The following PLCB4 variants were observed in gnomAD, a reference collection of about 807,000 sequenced individuals.
PLCB4 encodes 1-phosphatidylinositol 4,5-bisphosphate phosphodiesterase beta-4.
PLCB4 carries 77 observed loss-of-function variants against 178.8 expected under a neutral mutation model. The observed-to-expected ratio is 0.43, with a 90% CI of 0.36 to 0.52. The LOEUF (loss-of-function observed/expected upper bound fraction) is 0.52. PLCB4 is among the 20% of genes least tolerant of loss of function. PLCB4 has a pLI of 0.00. For missense variants in PLCB4, 1,024 were observed against 1,453.4 expected (o/e 0.70, Z 4.80); for synonymous variants, 496 against 490.8 (o/e 1.01, Z -0.14).
At chr20:9,472,165 C>T (rs971884210) in intron 36 of PLCB4, among the ~76,000 whole-genome samples, 1 of 152,146 alleles carries the variant, frequency 6.6e-6, no homozygotes, top group African/African-American at 2.4e-5. Context: ...GAAACCCAGA[C>T]TATGTTACTC....
intron 4 of PLCB4, among the ~76,000 whole-genome samples, chr20:9,325,510 C>T (rs1179812219): frequency 6.6e-6 from 1 of 152,086 alleles, no homozygotes; most frequent in Non-Finnish European, 1.5e-5. Flanking sequence ...GGGAACCCTC[C>T]CAGAATCTGA....
chr20:9,437,246 G>T, intron 30 of PLCB4, 94 bp downstream of exon 30: 2 of 1,159,036 alleles, frequency 1.7e-6, no homozygotes, highest in South Asian at 1.7e-5. Flanking sequence ...TAAATTCGAA[G>T]TTCTTTGTGG....
intron 4 of PLCB4, among the ~76,000 whole-genome samples, chr20:9,316,241 A>G (rs536590925): frequency 1.2e-4 from 18 of 152,226 alleles, no homozygotes; most frequent in South Asian, 1.0e-3. Context: ...CCACGGACCT[A>G]TGGAATCAGA....
At chr20:9,190,045 G>T (rs2086454735) in intron 2 of PLCB4, among the ~76,000 whole-genome samples, 1 of 152,128 alleles carries the variant, frequency 6.6e-6, no homozygotes, top group Non-Finnish European at 1.5e-5. Context: ...CTCACATTTG[G>T]TTGAGAACCA....
chr20:9,435,038 T>C (rs1326744560), intron 28 of PLCB4, among the ~76,000 whole-genome samples: 1 of 152,230 alleles, frequency 6.6e-6, no homozygotes, highest in Non-Finnish European at 1.5e-5. Flanking sequence ...AAAGATTTCA[T>C]TTTGTCTACC....
chr20:9,194,720 CT>C lies in PLCB4; in HGVS notation c.-78-22663del, dbSNP rs887297842. Among the ~76,000 whole-genome samples the C allele has an allele frequency of 4.4e-3, 654 of 148,804 alleles. 5 individuals are homozygous for C. Among genetic ancestry groups the C allele is most frequent in the African/African-American group, 0.016 (633 of 40,748 alleles). Reference sequence around the variant, plus strand: ...AAAAAAAAAAAAAAAAAAAAAGAACCTTTTTTTAATTTCCTTACTTCAACCC... The same window carrying C: ...AAAAAAAAAAAAAAAAAAAAAGAACCTTTTTTAATTTCCTTACTTCAACCC... On this transcript the variant is annotated intron_variant, in intron 2 of 39. Coordinates refer to ENST00000378473, the MANE Select transcript of PLCB4 (RefSeq NM_001377142.1).
At chr20:9,317,613 T>C (rs2094912916) in intron 4 of PLCB4, among the ~76,000 whole-genome samples, 2 of 152,170 alleles carry the variant, frequency 1.3e-5, no homozygotes, top group South Asian at 4.2e-4. Context: ...CATGGAAAAA[T>C]GTGAGATGCA....
At chr20:9,123,116 A>G (rs2092012280) in intron 2 of PLCB4, among the ~76,000 whole-genome samples, 1 of 152,208 alleles carries the variant, frequency 6.6e-6, no homozygotes, top group Non-Finnish European at 1.5e-5. Context: ...GGTATTTATT[A>G]AATATGCAAT....
intron 25 of PLCB4, among the ~76,000 whole-genome samples, chr20:9,418,210 T>C (rs2040386945): frequency 6.6e-6 from 1 of 152,198 alleles, no homozygotes; most frequent in Non-Finnish European, 1.5e-5. Flanking sequence ...TTTGGTATCA[T>C]GTTTAGAATC....
chr20:9,369,469 G>T (rs2036058434), intron 9 of PLCB4, among the ~76,000 whole-genome samples: 1 of 152,126 alleles, frequency 6.6e-6, no homozygotes, highest in Admixed American at 6.5e-5. Context: ...CTGAACTCTA[G>T]AGATGAAAAA....
chr20:9,142,867 G>A (rs1355091779), intron 2 of PLCB4, among the ~76,000 whole-genome samples: 1 of 152,132 alleles, frequency 6.6e-6, no homozygotes, highest in Middle Eastern at 3.2e-3. Context: ...GTAAGCCAAA[G>A]CACTCACAAG....
chr20:9,419,986 T>C lies in PLCB4; in HGVS notation c.2154+77T>C. On this transcript the variant is annotated intron_variant, in intron 26 of 39. Transcript: ENST00000378473. ...TTGAAAGAAATTATAAAATATTGAA[T>C]GTTAAATTGCAAGATCCATGTGCTG... is the stretch of plus-strand genomic sequence containing the variant. The C allele has an allele frequency of 5.6e-6, 5 of 894,676 alleles. No homozygotes were observed. In the South Asian group the frequency reaches 7.6e-5, roughly 14 times the overall value. 55.4% of individuals were successfully genotyped at this position (894,676 alleles called of 1,614,324 possible). A position where few individuals can be genotyped will look rare whatever the true frequency, so the allele number is the denominator to read the frequency against.
chr20:9,436,935 A>G, intron 29 of PLCB4, 67 bp from the exon 30 acceptor site: 1 of 1,448,530 alleles, frequency 6.9e-7, no homozygotes, highest in Non-Finnish European at 9.6e-7. Flanking sequence ...CAGTAAAATA[A>G]AGAATGTACA....
At chr20:9,138,547 G>A (rs779468825) in intron 2 of PLCB4, among the ~76,000 whole-genome samples, 50 of 151,988 alleles carry the variant, frequency 3.3e-4, no homozygotes, top group Non-Finnish European at 7.4e-5. Flanking sequence ...AGATTTGTGT[G>A]CACTTATACT....
At chr20:9,383,923 A>G (rs1344528424) in intron 13 of PLCB4, among the ~76,000 whole-genome samples, 2 of 152,198 alleles carry the variant, frequency 1.3e-5, no homozygotes, top group African/African-American at 2.4e-5. Context: ...CCTGGTCACC[A>G]TAACTCCCAG....
chr20:9,277,813 C>T (rs2094462749), intron 3 of PLCB4, among the ~76,000 whole-genome samples: 1 of 151,936 alleles, frequency 6.6e-6, no homozygotes, highest in Admixed American at 6.6e-5. Context: ...GCCCACAGCT[C>T]AAGGGGCACA....
In PLCB4 at chr20:9,411,096, A is replaced by G. The variant is rs56772399; in HGVS notation, c.2051+8A>G. Reference sequence around the variant, plus strand: ...GTATAATGGATCGTGCGGGTGAGTAATATGATTTAAACTGTTTTCACCTAG... The same window carrying G: ...GTATAATGGATCGTGCGGGTGAGTAGTATGATTTAAACTGTTTTCACCTAG... On this transcript the variant is annotated splice_region_variant and intron_variant, in intron 25 of 39. Coordinates refer to ENST00000378473, the MANE Select transcript of PLCB4 (RefSeq NM_001377142.1). The G allele has an allele frequency of 7.4e-3, 11,767 of 1,590,806 alleles. 740 individuals carry two copies. In the African/African-American group the frequency reaches 0.14, roughly 19 times the overall value.
At chr20:9,273,622 G>C (rs936093452) in intron 3 of PLCB4, among the ~76,000 whole-genome samples, 1 of 151,538 alleles carries the variant, frequency 6.6e-6, no homozygotes, top group Admixed American at 6.6e-5. Context: ...GAAGAGGAAG[G>C]TGTTGAGTTA....
At chr20:9,182,315 T>C (rs1235518553) in intron 2 of PLCB4, among the ~76,000 whole-genome samples, 1 of 152,198 alleles carries the variant, frequency 6.6e-6, no homozygotes, top group Non-Finnish European at 1.5e-5. Context: ...AATCACCTGC[T>C]TCTGGGGCTC....
Sources: gnomAD v4.1 joint callset for allele counts (sites outside exome capture counted in the v4.1 genomes callset) on GRCh38, gnomAD v4.1.1 for gene constraint, MANE v1.5 for transcripts, NCBI Gene and HGNC (gene_info 2026-07-23, HGNC 2026-07-21) for gene names.